EPB41L4B: variants seen among roughly 807,000 people sequenced by gnomAD.
The protein encoded by EPB41L4B is band 4.1-like protein 4B.
Under a neutral mutation model 112.5 loss-of-function variants are expected in EPB41L4B, and 30 were observed. The ratio of observed to expected loss-of-function variants is 0.27; its 90% CI spans 0.20 to 0.36. The LOEUF (loss-of-function observed/expected upper bound fraction) is 0.36, where lower values mean the gene tolerates loss of function less well. Among genes scored for constraint, EPB41L4B ranks in the 10% least tolerant of loss-of-function variants. The probability of loss-of-function intolerance (pLI) is 1.00; values close to 1 mark genes in which losing one functional copy is unlikely to be tolerated. For synonymous variants in EPB41L4B, 408 were observed against 439.7 expected, an observed-to-expected ratio of 0.93 and a Z score of 0.90; for missense variants, 1,024 against 1,133.3, an observed-to-expected ratio of 0.90 and a Z score of 1.38.
intron 1 of EPB41L4B, among the ~76,000 whole-genome samples, chr9:109,288,977 A>G (rs767449932): frequency 2.0e-5 from 3 of 152,158 alleles, no homozygotes; most frequent in Non-Finnish European, 2.9e-5. Context: ...TAAGGTATTT[A>G]GTCACGGTAG....
intron 1 of EPB41L4B, among the ~76,000 whole-genome samples, chr9:109,296,961 C>T (rs1277706310): frequency 6.6e-6 from 1 of 151,880 alleles, no homozygotes; most frequent in Non-Finnish European, 1.5e-5. Flanking sequence ...ACACCCCCCA[C>T]CCCAAATTAA....
chr9:109,271,716 G>A (rs1483446786), intron 2 of EPB41L4B, among the ~76,000 whole-genome samples: 2 of 152,146 alleles, frequency 1.3e-5, no homozygotes, highest in Admixed American at 6.5e-5. Flanking sequence ...GTGGGTAAAC[G>A]CCAAGGCAAA....
chr9:109,185,087 T>C (rs1468506610), intron 23 of EPB41L4B, among the ~76,000 whole-genome samples: 2 of 152,254 alleles, frequency 1.3e-5, no homozygotes, highest in South Asian at 2.1e-4. Context: ...CATTGTCAGG[T>C]AGCACTCCTA....
At chr9:109,298,791 T>C (rs754639786) in intron 1 of EPB41L4B, among the ~76,000 whole-genome samples, 6 of 152,050 alleles carry the variant, frequency 3.9e-5, no homozygotes, top group African/African-American at 7.2e-5. Context: ...ACCCCAATTT[T>C]CTCCAGTTCA....
chr9:109,191,835 T>C (rs10979739), intron 22 of EPB41L4B, among the ~76,000 whole-genome samples: 40,834 of 152,052 alleles, frequency 0.27, 5,855 homozygotes, highest in East Asian at 0.38. Context: ...GAGACCTGTA[T>C]GCAGAGGATG....
chr9:109,184,911 A>G (rs898752830), intron 23 of EPB41L4B, among the ~76,000 whole-genome samples: 1 of 152,260 alleles, frequency 6.6e-6, no homozygotes, highest in Non-Finnish European at 1.5e-5. Context: ...TAACAAGAAC[A>G]AGCTAGAAAC....
intron 14 of EPB41L4B, among the ~76,000 whole-genome samples, chr9:109,245,843 A>C (rs1834534074): frequency 6.6e-6 from 1 of 152,226 alleles, no homozygotes; most frequent in Non-Finnish European, 1.5e-5. Context: ...CGTGGTTGCC[A>C]ATGATGTTGC....
At chr9:109,176,516 A>G (rs749519871) in intron 25 of EPB41L4B, 35 bp downstream of exon 25, 15 of 1,565,360 alleles carry the variant, frequency 9.6e-6, no homozygotes, top group Middle Eastern at 1.7e-4. Context: ...CCCTGTCACC[A>G]GAATTACCTG....
intron 21 of EPB41L4B, 79 bp from the exon 22 acceptor site, chr9:109,192,434 G>A: frequency 9.3e-7 from 1 of 1,077,902 alleles, no homozygotes; most frequent in Non-Finnish European, 1.4e-6. Flanking sequence ...ACAGGCAGAG[G>A]TTCCCAGCCT....
At chr9:109,294,666 TTGTGGCTGTGTGTG>T (rs1343031348) in intron 1 of EPB41L4B, among the ~76,000 whole-genome samples, 32 of 112,676 alleles carry the variant, frequency 2.8e-4, no homozygotes, top group African/African-American at 1.2e-3. Flanking sequence ...TATAATGATA[TTGTGGCTGTGTGTG>T]TGTGTGTGTG....
chr9:109,301,491 G>C (rs559326708), intron 1 of EPB41L4B, among the ~76,000 whole-genome samples: 26 of 152,208 alleles, frequency 1.7e-4, no homozygotes, highest in African/African-American at 5.8e-4. Context: ...GAAAGTTCCT[G>C]GGAGTCCCCT....
At chr9:109,318,767 T>C (rs1837729966) in intron 1 of EPB41L4B, among the ~76,000 whole-genome samples, 1 of 152,182 alleles carries the variant, frequency 6.6e-6, no homozygotes, top group South Asian at 2.1e-4. Flanking sequence ...TGTTGGCTCC[T>C]TTTCCATCAA....
At chr9:109,210,085 C>CAA (rs112355718) in intron 17 of EPB41L4B, among the ~76,000 whole-genome samples, 13,786 of 145,662 alleles carry the variant, frequency 0.095, 903 homozygotes, top group African/African-American at 0.19. Flanking sequence ...TATATATAAC[C>CAA]AAAAAAAAAA....
At position 109,174,529 on chromosome 9, in the gene EPB41L4B, T is replaced by C; in HGVS notation, c.*25A>G. 1 of 1,600,752 alleles carries C rather than the reference T, an allele frequency of 6.2e-7. No individual in the cohort carries two copies. Among genetic ancestry groups the C allele is most frequent in the Non-Finnish European group, 8.6e-7 (1 of 1,167,760 alleles). Reference sequence around the variant, plus strand: ...AAGACGGACAGAAGGCACCATGCCATCTTCCAGGTGACAAGGGGAGAATTT... The same window carrying C: ...AAGACGGACAGAAGGCACCATGCCACCTTCCAGGTGACAAGGGGAGAATTT... On this transcript the variant is annotated 3_prime_UTR_variant, in exon 26 of 26. Transcript: ENST00000374566.
intron 23 of EPB41L4B, among the ~76,000 whole-genome samples, chr9:109,183,827 C>G (rs999209179): frequency 6.6e-6 from 1 of 152,228 alleles, no homozygotes; most frequent in Admixed American, 6.5e-5. Flanking sequence ...CTACTCAATG[C>G]TCTTCAGTGG....
At position 109,264,038 on chromosome 9, in the gene EPB41L4B, G is replaced by A. The variant is rs1835311040; in HGVS notation, c.579-936C>T. Among the ~76,000 whole-genome samples the A allele has an allele frequency of 2.0e-5, 3 of 150,876 alleles. No homozygotes were observed. The South Asian group carries it at 6.3e-4, about 32-fold the overall frequency. ...AGGAGCACAGTATGGAGAGAGAGAG[G>A]TAGAGAGAGAGAGAGAGAGGGAGAG... On this transcript the variant is annotated intron_variant, in intron 5 of 25. Transcript: ENST00000374566.
At chr9:109,220,405 GGA>G (rs1431958012) in intron 15 of EPB41L4B, among the ~76,000 whole-genome samples, 1 of 152,192 alleles carries the variant, frequency 6.6e-6, no homozygotes, top group East Asian at 1.9e-4. Flanking sequence ...GTTAGATTTT[GGA>G]GAGTTTGTTT....
rs1588137076 is a variant in EPB41L4B at position 109,208,060 on chromosome 9, C to CT, written c.1753-12_1753-11insA. ...TTTCTTTTCTTCAGCCTGAGACAAA[C>CT]CAAAATACAAACAGCAGATTGTAAA... is the stretch of plus-strand genomic sequence containing the variant. On this transcript the variant is annotated splice_polypyrimidine_tract_variant and intron_variant, in intron 17 of 25. Coordinates refer to ENST00000374566, the MANE Select transcript of EPB41L4B (RefSeq NM_019114.5). 1.2e-6 allele frequency: 2 copies of CT among 1,613,086 alleles called. No homozygotes were observed. The highest frequency in any genetic ancestry group is 4.5e-5 in the East Asian group (2 of 44,886).
chr9:109,246,493 T>A (rs1340813117), intron 14 of EPB41L4B, among the ~76,000 whole-genome samples: 3 of 152,162 alleles, frequency 2.0e-5, no homozygotes, highest in Non-Finnish European at 4.4e-5. Context: ...TTTAATATAC[T>A]GATAGGAAGC....
Sources: allele counts gnomAD v4.1 joint callset (sites outside exome capture counted in the v4.1 genomes callset), GRCh38; gene constraint gnomAD v4.1.1; transcripts MANE v1.5; gene names NCBI Gene and HGNC (gene_info 2026-07-23, HGNC 2026-07-21).